Variants in PCDHGA4 observed in about 807,000 individuals in gnomAD.
PCDHGA4 encodes protocadherin gamma subfamily A, 4.
PCDHGA4 carries 38 observed loss-of-function variants against 54.6 expected under a neutral mutation model. The observed-to-expected ratio is 0.70, with a 90% confidence interval of 0.54 to 0.91. The LOEUF (loss-of-function observed/expected upper bound fraction) is 0.91. Ranked by LOEUF, PCDHGA4 falls within the 40% of genes least tolerant of loss-of-function variation. PCDHGA4 has a pLI of 0.00. For missense variants in PCDHGA4, 1,298 were observed against 1,220.9 expected, an observed-to-expected ratio of 1.06 and a Z score of -0.94; for synonymous variants, 511 against 512.9, an observed-to-expected ratio of 1.00 and a Z score of 0.05.
In PCDHGA4 at chr5:141,431,149, G is replaced by A. The variant is rs150692324; in HGVS notation, c.2515-63658G>A. Reference sequence around the variant, plus strand: ...AAGTAAGGGACATTAACGACAATGCGCCTTACTTTCGTGAAAGTGAATTAG... The same window carrying A: ...AAGTAAGGGACATTAACGACAATGCACCTTACTTTCGTGAAAGTGAATTAG... On this transcript the variant is annotated intron_variant, in intron 1 of 3. Coordinates refer to ENST00000571252, the MANE Select transcript of PCDHGA4 (RefSeq NM_018917.4). This position sits in a 1 kb window ranked among gnomAD's most constrained non-coding sequence, Gnocchi z 4.8. The A allele has an allele frequency of 3.7e-4, 605 of 1,614,210 alleles. No individual in the cohort carries two copies. Among genetic ancestry groups the A allele is most frequent in the Non-Finnish European group, 4.7e-4 (552 of 1,180,020 alleles).
intron 1 of PCDHGA4, chr5:141,419,367 C>T (rs1157934416): frequency 6.2e-7 from 1 of 1,613,652 alleles, no homozygotes; most frequent in Admixed American, 1.7e-5. Context: ...ACGCTGTCGT[C>T]CTACGTGTCC....
chr5:141,393,473 G>A (rs1190605709), intron 1 of PCDHGA4: 1 of 1,614,044 alleles, frequency 6.2e-7, no homozygotes, highest in East Asian at 2.2e-5. Flanking sequence ...GCGGCAAGCC[G>A]CCTCGCTCTA....
At chr5:141,364,551 T>A in intron 1 of PCDHGA4, 1 of 1,614,076 alleles carries the variant, frequency 6.2e-7, no homozygotes, top group South Asian at 1.1e-5. Context: ...AGGACGCAGC[T>A]TTTTGCCCTG....
chr5:141,433,168 T>A, intron 1 of PCDHGA4: 6 of 1,613,438 alleles, frequency 3.7e-6, no homozygotes, highest in Non-Finnish European at 3.4e-6. Context: ...CTAAAGACAG[T>A]CATGGGTTAA....
chr5:141,395,097 G>A lies in PCDHGA4; in HGVS notation c.2514+37476G>A, dbSNP rs376460647. The A allele has an allele frequency of 1.3e-5, 21 of 1,614,040 alleles. No homozygotes were observed. Among genetic ancestry groups the A allele is most frequent in the Non-Finnish European group, 1.7e-5 (20 of 1,180,038 alleles). On this transcript the variant is annotated intron_variant, in intron 1 of 3. Coordinates refer to ENST00000571252, the MANE Select transcript of PCDHGA4 (RefSeq NM_018917.4). ...TTCCCAGGAAGTCTCCCTCACCGCC[G>A]ACTCGCGGAAGAGTCACCTGATCTT...
intron 1 of PCDHGA4, chr5:141,418,573 C>T (rs749104686): frequency 6.2e-7 from 1 of 1,613,944 alleles, no homozygotes; most frequent in Non-Finnish European, 8.5e-7. Flanking sequence ...CCAATGACAA[C>T]CCCCCAGTGT....
At chr5:141,473,944 CTGTA>C (rs2099333270) in intron 1 of PCDHGA4, among the ~76,000 whole-genome samples, 2 of 152,156 alleles carry the variant, frequency 1.3e-5, no homozygotes, top group Non-Finnish European at 2.9e-5. Context: ...TAGCTCAGGC[CTGTA>C]GTCCCATCTA....
chr5:141,500,839 G>A (rs2099802871), intron 2 of PCDHGA4, among the ~76,000 whole-genome samples: 1 of 151,906 alleles, frequency 6.6e-6, no homozygotes, highest in African/African-American at 2.4e-5. Flanking sequence ...ATGCTAATGG[G>A]CTTTTGCTAC....
intron 1 of PCDHGA4, chr5:141,393,668 T>C (rs1048580916): frequency 6.2e-7 from 1 of 1,613,872 alleles, no homozygotes. Context: ...GGAAAATTAA[T>C]GAAAAACAAA....
rs1032814206 is a variant in PCDHGA4, at chr5:141,472,764, T to A, written c.2515-22043T>A. Among the ~76,000 whole-genome samples, 12 of 152,040 alleles carry A rather than the reference T, an allele frequency of 7.9e-5. No individual in the cohort carries two copies. The East Asian group carries it at 2.1e-3, about 27-fold the overall frequency. ...ACTTTGGGAGGCGGAGGCTGGCAGATCACCTGAGGTTGGGAGTTCAAGATC... is the reference window on the plus strand; with the variant it reads ...ACTTTGGGAGGCGGAGGCTGGCAGAACACCTGAGGTTGGGAGTTCAAGATC... On this transcript the variant is annotated intron_variant, in intron 1 of 3. Coordinates refer to ENST00000571252, the MANE Select transcript of PCDHGA4 (RefSeq NM_018917.4).
In PCDHGA4 at chr5:141,360,410, G is replaced by T. The variant is rs773770981; in HGVS notation, c.2514+2789G>T. ...TTACTTGTGAGTGACAGAATAGACC[G>T]AGAACAGATATGCGGGAAGCAGCCT... On this transcript the variant is annotated intron_variant, in intron 1 of 3. Transcript: ENST00000571252. The T allele has an allele frequency of 1.9e-6, 3 of 1,613,964 alleles. No homozygotes were observed. The South Asian group carries it at 3.3e-5, about 18-fold the overall frequency.
At chr5:141,393,972 C>G in intron 1 of PCDHGA4, 1 of 1,613,790 alleles carries the variant, frequency 6.2e-7, no homozygotes, top group South Asian at 1.1e-5. Flanking sequence ...CTGTTACACA[C>G]GTGATAATTT....
chr5:141,362,545 A>G (rs1181876257), intron 1 of PCDHGA4: 1 of 1,613,638 alleles, frequency 6.2e-7, no homozygotes. Flanking sequence ...TGCCTCAGAT[A>G]CTATTTTGAA....
intron 1 of PCDHGA4, among the ~76,000 whole-genome samples, chr5:141,474,432 C>T (rs1050895539): frequency 6.6e-6 from 1 of 152,214 alleles, no homozygotes; most frequent in Non-Finnish European, 1.5e-5. Context: ...GGTCCTCACA[C>T]TTTGAGTAGC....
intron 1 of PCDHGA4, chr5:141,389,160 G>T (rs759399243): frequency 1.2e-6 from 2 of 1,613,996 alleles, no homozygotes; most frequent in Admixed American, 3.3e-5. Flanking sequence ...AACAGATCGG[G>T]GCAAGCCTCC....
chr5:141,419,300 T>G (rs2096356436), intron 1 of PCDHGA4: 3 of 1,613,998 alleles, frequency 1.9e-6, no homozygotes, highest in Non-Finnish European at 2.5e-6. Context: ...TGACCCAGAC[T>G]TCGGGCTCAA....
chr5:141,466,099 G>A (rs879849411), intron 1 of PCDHGA4, among the ~76,000 whole-genome samples: 2 of 151,938 alleles, frequency 1.3e-5, no homozygotes, highest in Non-Finnish European at 2.9e-5. Context: ...TCCAGCCTGG[G>A]CAACAGAGTG....
intron 1 of PCDHGA4, chr5:141,433,087 A>G (rs769187557): frequency 6.2e-7 from 1 of 1,614,206 alleles, no homozygotes. Context: ...CCAACTATGC[A>G]GACATGCTCG....
intron 1 of PCDHGA4, chr5:141,415,056 G>A (rs1367441891): frequency 1.2e-6 from 2 of 1,613,416 alleles, no homozygotes; most frequent in East Asian, 2.2e-5. Context: ...GGGAGCACAC[G>A]GGCGAGGTGC....
Sources: gnomAD v4.1 joint callset for allele counts (sites outside exome capture counted in the v4.1 genomes callset) on GRCh38, gnomAD v4.1.1 for gene constraint, Gnocchi (gnomAD v3.1) non-coding constraint, MANE v1.5 for transcripts, NCBI Gene and HGNC (gene_info 2026-07-23, HGNC 2026-07-21) for gene names.